MCC: variants seen among roughly 807,000 people sequenced by gnomAD.
MCC encodes the protein MCC regulator of Wnt signaling pathway, also known as colorectal mutant cancer protein.
Under a neutral mutation model 116.2 loss-of-function variants are expected in MCC, and 90 were observed. The observed-to-expected ratio is 0.77, with a 90% CI of 0.65 to 0.92. MCC has a LOEUF of 0.92. MCC is among the 40% of genes least tolerant of loss of function. The pLI, the probability that MCC is intolerant of heterozygous loss-of-function variation, is 0.00. For missense variants in MCC, 1,516 were observed against 1,312.2 expected (o/e 1.16, Z -2.40); for synonymous variants, 578 against 510.5 (o/e 1.13, Z -1.78).
intron 3 of MCC, among the ~76,000 whole-genome samples, chr5:113,156,788 A>AC (rs1760196083): frequency 6.6e-6 from 1 of 152,228 alleles, no homozygotes; most frequent in Non-Finnish European, 1.5e-5. Flanking sequence ...TTCATTTTAC[A>AC]GTGTGTATCC....
In MCC at chr5:113,101,901, G is replaced by T; in HGVS notation, c.1236C>A (p.Pro412=). 1.9e-6 allele frequency: 3 copies of T among 1,613,852 alleles called. No individual in the cohort carries two copies. The highest frequency in any genetic ancestry group is 2.5e-6 in the Non-Finnish European group (3 of 1,179,996). The change falls in exon 8 of 19, where the codon CCC becomes CCA. Residue 412 remains proline, a synonymous_variant. Coordinates refer to ENST00000408903, the MANE Select transcript of MCC (RefSeq NM_001085377.2). ...ACCGAGACCTCTCTTCAGCCAGGTT[G>T]GGATACAGGTCCCGGCCAAGCACCC... ...IEGVLGRDLY[P]NLAEERSRWE... is the part of the protein sequence containing the mutation.
At chr5:113,158,446 C>A (rs1760296460) in intron 3 of MCC, among the ~76,000 whole-genome samples, 1 of 152,184 alleles carries the variant, frequency 6.6e-6, no homozygotes, top group South Asian at 2.1e-4. Flanking sequence ...TTACCTGTTC[C>A]ATCAGCTGCA....
At position 113,027,195 on chromosome 5, in the gene MCC, C is replaced by T; in HGVS notation, c.*107G>A. The T allele has an allele frequency of 8.1e-7, 1 of 1,230,708 alleles. No individual in the cohort carries two copies. Among genetic ancestry groups the T allele is most frequent in the South Asian group, 1.5e-5 (1 of 67,028 alleles). The allele number at this position is 1,230,708 out of a possible 1,614,324, so 76.2% of individuals were successfully genotyped here. On this transcript the variant is annotated 3_prime_UTR_variant, in exon 19 of 19. Coordinates refer to ENST00000408903, the MANE Select transcript of MCC (RefSeq NM_001085377.2). Reference sequence around the variant, plus strand: ...ATTGTCCAAGTGCCGACCTACCTGCCAGCCTTCCCTTTCCTCCTCCTCCCA... The same window carrying T: ...ATTGTCCAAGTGCCGACCTACCTGCTAGCCTTCCCTTTCCTCCTCCTCCCA...
At chr5:113,459,431 G>A (rs1156490271) in intron 1 of MCC, among the ~76,000 whole-genome samples, 1 of 151,804 alleles carries the variant, frequency 6.6e-6, no homozygotes, top group Non-Finnish European at 1.5e-5. Context: ...CCAGCTACTC[G>A]AGAGGCTGAG....
chr5:113,184,762 G>T lies in MCC; in HGVS notation c.628-33340C>A, dbSNP rs534793019. On this transcript the variant is annotated intron_variant, in intron 3 of 18. Coordinates refer to ENST00000408903, the MANE Select transcript of MCC (RefSeq NM_001085377.2). Reference sequence around the variant, plus strand: ...TGAAACTGTAGAACATAGAACTTCTGGGTAAAATCCTTAGAGTCCACTGAT... The same window carrying T: ...TGAAACTGTAGAACATAGAACTTCTTGGTAAAATCCTTAGAGTCCACTGAT... Among the ~76,000 whole-genome samples the T allele has an allele frequency of 2.0e-5, 3 of 152,216 alleles. No individual in the cohort carries two copies. The East Asian group carries it at 5.8e-4, about 29-fold the overall frequency.
intron 3 of MCC, among the ~76,000 whole-genome samples, chr5:113,296,153 G>A (rs1766703805): frequency 6.6e-6 from 1 of 152,102 alleles, no homozygotes; most frequent in South Asian, 2.1e-4. Context: ...CCAAACTAGA[G>A]CACATTCTGC....
intron 3 of MCC, among the ~76,000 whole-genome samples, chr5:113,195,842 G>T (rs367860359): frequency 1.3e-5 from 2 of 152,004 alleles, no homozygotes; most frequent in Admixed American, 6.6e-5. Context: ...GGCTTTCAGG[G>T]TCTCTCATCT....
rs1301825394 is a variant in MCC, at chr5:113,106,829, A to G, written c.1028-2474T>C. Among the ~76,000 whole-genome samples, 4 of 152,200 alleles carry G rather than the reference A, an allele frequency of 2.6e-5. 1 individual carries two copies. The highest frequency in any genetic ancestry group is 9.7e-5 in the African/African-American group (4 of 41,450). ...GGCTTCCAAAGTCCTGAGATAATTGACATGAGCCACCATGCCTGGCCAACC... is the reference window on the plus strand; with the variant it reads ...GGCTTCCAAAGTCCTGAGATAATTGGCATGAGCCACCATGCCTGGCCAACC... On this transcript the variant is annotated intron_variant, in intron 6 of 18. Coordinates refer to ENST00000408903, the MANE Select transcript of MCC (RefSeq NM_001085377.2).
At chr5:113,043,159 C>T (rs867633134) in intron 17 of MCC, among the ~76,000 whole-genome samples, 3 of 152,204 alleles carry the variant, frequency 2.0e-5, no homozygotes, top group South Asian at 2.1e-4. Context: ...CTTTTTCACA[C>T]TACCAACGCT....
At chr5:113,260,006 T>G (rs368509504) in intron 3 of MCC, among the ~76,000 whole-genome samples, 15 of 152,210 alleles carry the variant, frequency 9.9e-5, no homozygotes, top group African/African-American at 3.4e-4. Context: ...AACAAATTTG[T>G]TGATTAACAA....
At chr5:113,186,330 C>T (rs1248979371) in intron 3 of MCC, among the ~76,000 whole-genome samples, 1 of 152,158 alleles carries the variant, frequency 6.6e-6, no homozygotes, top group East Asian at 1.9e-4. Context: ...GTTTGATTTG[C>T]AGTCTCCCTT....
chr5:113,086,467 G>C (rs1328539570), intron 8 of MCC, among the ~76,000 whole-genome samples: 1 of 152,182 alleles, frequency 6.6e-6, no homozygotes, highest in East Asian at 1.9e-4. Context: ...CTACAGATGA[G>C]ATTTTCCCTG....
chr5:113,454,412 T>C (rs1253726362), intron 1 of MCC, among the ~76,000 whole-genome samples: 3 of 152,178 alleles, frequency 2.0e-5, no homozygotes. Flanking sequence ...GCCTGTGTTT[T>C]TGTTTTCATA....
chr5:113,312,912 T>C (rs1175729523), intron 3 of MCC, among the ~76,000 whole-genome samples: 1 of 152,220 alleles, frequency 6.6e-6, no homozygotes, highest in Non-Finnish European at 1.5e-5. Flanking sequence ...TGAGCCTGTG[T>C]CAAGCAATCT....
chr5:113,053,908 G>A lies in MCC; in HGVS notation c.2265C>T (p.Asp755=), dbSNP rs368313454. 2.2e-5 allele frequency: 36 copies of A among 1,613,950 alleles called. No individual in the cohort carries two copies. The highest frequency in any genetic ancestry group is 2.2e-4 in the East Asian group (10 of 44,874). The change falls in exon 15 of 19, where the codon GAC becomes GAT. Residue 755 remains aspartate, a synonymous_variant. Coordinates refer to ENST00000408903, the MANE Select transcript of MCC (RefSeq NM_001085377.2). ...GGATATAATCCTTCAGCCTCTGCTC[G>A]TCTTCTTTAGTGAACTCGGTGTCGC... The part of the protein sequence containing the change: ...SSCDTEFTKE[D]EQRLKDYIQQ...
chr5:113,296,496 G>A (rs1305208907), intron 3 of MCC, among the ~76,000 whole-genome samples: 3 of 152,170 alleles, frequency 2.0e-5, no homozygotes, highest in Non-Finnish European at 2.9e-5. Flanking sequence ...TGTGAAGAAT[G>A]GCTGAGCCCA....
intron 13 of MCC, 38 bp downstream of exon 13, chr5:113,068,042 G>T: frequency 6.5e-7 from 1 of 1,531,164 alleles, no homozygotes; most frequent in South Asian, 1.1e-5. Context: ...AGGAGGCAGG[G>T]AGACAAGAGG....
intron 10 of MCC, 133 bp from the exon 11 acceptor site, chr5:113,083,141 G>A: frequency 1.3e-6 from 1 of 753,914 alleles, no homozygotes; most frequent in Non-Finnish European, 2.1e-6. Context: ...AAGGTTCTCA[G>A]TTTGTAGGAT....
chr5:113,372,449 C>T (rs66644309), intron 2 of MCC, among the ~76,000 whole-genome samples: 28,394 of 152,044 alleles, frequency 0.19, 3,164 homozygotes, highest in Admixed American at 0.31. Flanking sequence ...ATATTTAATA[C>T]CTCAGAAATA....
Sources: allele counts gnomAD v4.1 joint callset (sites outside exome capture counted in the v4.1 genomes callset), GRCh38; gene constraint gnomAD v4.1.1; transcripts MANE v1.5; gene names NCBI Gene and HGNC (gene_info 2026-07-23, HGNC 2026-07-21).